GPC4: variants seen among roughly 807,000 people sequenced by gnomAD.
GPC4 encodes glypican 4.
A neutral mutation model predicts 35.0 loss-of-function variants in GPC4; 10 were observed. That is an observed-to-expected ratio of 0.29 (90% CI 0.18 to 0.48). The LOEUF (loss-of-function observed/expected upper bound fraction) is 0.48, where lower values mean the gene tolerates loss of function less well. Ranked by LOEUF, GPC4 falls within the 20% of genes least tolerant of loss-of-function variation. The pLI, the probability that GPC4 is intolerant of heterozygous loss-of-function variation, is 0.99. For synonymous variants in GPC4, 167 were observed against 170.2 expected (o/e 0.98, Z 0.15); for missense variants, 322 against 451.3 (o/e 0.71, Z 2.60).
chrX:133,346,722 T>C (rs1167458939), intron 1 of GPC4, among the ~76,000 whole-genome samples: 1 of 112,109 alleles, frequency 8.9e-6, no homozygotes, highest in African/African-American at 3.2e-5. Context: ...AATAGAATAT[T>C]ACTCAGCCAT....
intron 1 of GPC4, among the ~76,000 whole-genome samples, chrX:133,364,914 G>A (rs985968608): frequency 8.9e-6 from 1 of 112,178 alleles, no homozygotes. Context: ...AATACAGCGA[G>A]TGCAAACATT....
chrX:133,367,528 T>C (rs2068594992), intron 1 of GPC4, among the ~76,000 whole-genome samples: 1 of 112,362 alleles, frequency 8.9e-6, no homozygotes, highest in African/African-American at 3.2e-5. Flanking sequence ...CCACAAATTA[T>C]AGGCCAAACC....
At position 133,303,361 on chromosome X, in the gene GPC4, C is replaced by T; in HGVS notation, c.1293-20G>A. The T allele has an allele frequency of 1.7e-6, 2 of 1,183,287 alleles. No individual in the cohort carries two copies. Among genetic ancestry groups the T allele is most frequent in the Non-Finnish European group, 2.3e-6 (2 of 877,041 alleles). ...AGGTACCTGGAATGTAAAATGACCC[C>T]AGTAAGATGATTCGTAAAGCGAAAA... is the stretch of plus-strand genomic sequence containing the variant. On this transcript the variant is annotated intron_variant, in intron 7 of 8. Transcript: ENST00000370828.
chrX:133,369,397 T>C (rs763219856), intron 1 of GPC4, among the ~76,000 whole-genome samples: 18 of 112,068 alleles, frequency 1.6e-4, no homozygotes, highest in Non-Finnish European at 3.4e-4. Flanking sequence ...CTGTCTTAAA[T>C]GATATTGAAC....
intron 1 of GPC4, among the ~76,000 whole-genome samples, chrX:133,363,005 T>C (rs757852669): frequency 8.0e-5 from 9 of 112,032 alleles, no homozygotes; most frequent in Non-Finnish European, 1.3e-4. Flanking sequence ...TTTGCTATTC[T>C]GACAGAGAGC....
intron 1 of GPC4, among the ~76,000 whole-genome samples, chrX:133,391,009 G>C (rs926818203): frequency 5.4e-5 from 6 of 112,071 alleles, no homozygotes; most frequent in African/African-American, 1.6e-4. Context: ...ACAGTCTAGT[G>C]TAAATATTGA....
chrX:133,415,247 A>C lies in GPC4; in HGVS notation c.-282T>G. The stretch of plus-strand genomic sequence containing the variant: ...AGGGAAGCAGAGGCGCGGGCTGGTG[A>C]CCTCGGGGTTTCGCGGGGCAGCGAA... On this transcript the variant is annotated 5_prime_UTR_variant, in exon 1 of 9. Transcript: ENST00000370828. The C allele has an allele frequency of 3.6e-6, 1 of 276,596 alleles. No homozygotes were observed. Among genetic ancestry groups the C allele is most frequent in the Non-Finnish European group, 6.3e-6 (1 of 158,600 alleles). The allele number at this position is 276,596 out of a possible 1,213,427, so 22.8% of individuals were successfully genotyped here. A position where few individuals can be genotyped will look rare whatever the true frequency, so the allele number is the denominator to read the frequency against.
chrX:133,388,077 C>A (rs1451088427), intron 1 of GPC4, among the ~76,000 whole-genome samples: 1 of 112,017 alleles, frequency 8.9e-6, no homozygotes, highest in Non-Finnish European at 1.9e-5. Flanking sequence ...TAGATAGATA[C>A]ACAGATTTGT....
At position 133,347,248 on chromosome X, in the gene GPC4, GTTT is replaced by G. The variant is rs763800349; in HGVS notation, c.161-7910_161-7908del. On this transcript the variant is annotated intron_variant, in intron 1 of 8. Transcript: ENST00000370828. Reference sequence around the variant, plus strand: ...TAAATCTAAAACTCTTCTATTAGAAGTTTTTTTTTTTTTTTTTTTTTTTTTTTT... The same window carrying G: ...TAAATCTAAAACTCTTCTATTAGAAGTTTTTTTTTTTTTTTTTTTTTTTTT... Among the ~76,000 whole-genome samples the G allele has an allele frequency of 2.8e-3, 71 of 25,412 alleles. 1 individual carries two copies. The highest frequency in any genetic ancestry group is 4.7e-3 in the African/African-American group (34 of 7,185). 22.1% of individuals were successfully genotyped at this position (25,412 alleles called of 115,157 possible). A position where few individuals can be genotyped will look rare whatever the true frequency, so the allele number is the denominator to read the frequency against.
intron 1 of GPC4, among the ~76,000 whole-genome samples, chrX:133,373,447 A>G (rs1328205006): frequency 8.9e-6 from 1 of 111,961 alleles, no homozygotes; most frequent in Non-Finnish European, 1.9e-5. Context: ...ATAGTGACAG[A>G]TGTGTCAAAA....
chrX:133,408,405 G>A (rs2068798725), intron 1 of GPC4, among the ~76,000 whole-genome samples: 1 of 112,218 alleles, frequency 8.9e-6, no homozygotes, highest in Admixed American at 9.5e-5. Flanking sequence ...CTTTAAAGAA[G>A]TGTATCTCAA....
chrX:133,337,955 A>C (rs113465634), intron 2 of GPC4, among the ~76,000 whole-genome samples: 22 of 110,144 alleles, frequency 2.0e-4, no homozygotes, highest in African/African-American at 5.6e-4. Context: ...ACTAAGACAT[A>C]ATTTTGCACA....
At chrX:133,409,320 TAA>T (rs36008423) in intron 1 of GPC4, among the ~76,000 whole-genome samples, 200 of 31,675 alleles carry the variant, frequency 6.3e-3, no homozygotes, top group African/African-American at 0.013. Flanking sequence ...GACCCTGCCT[TAA>T]AAAAAAAAAA....
intron 1 of GPC4, among the ~76,000 whole-genome samples, chrX:133,390,334 G>C (rs1255134872): frequency 9.0e-6 from 1 of 111,705 alleles, no homozygotes; most frequent in Non-Finnish European, 1.9e-5. Flanking sequence ...TAAGACAAAT[G>C]GGAACATAGT....
intron 3 of GPC4, among the ~76,000 whole-genome samples, chrX:133,321,777 A>G (rs1204733527): frequency 8.9e-6 from 1 of 112,002 alleles, no homozygotes; most frequent in Non-Finnish European, 1.9e-5. Context: ...AGAATCAGAT[A>G]TTATTCCTTT....
At chrX:133,327,639 G>T (rs112946459) in intron 2 of GPC4, among the ~76,000 whole-genome samples, 160 of 2,688 alleles carry the variant, frequency 0.06, no homozygotes, top group African/African-American at 0.079. Context: ...CCAGGAAAGT[G>T]TGTGTGTGTG....
chrX:133,356,468 C>A (rs1391388859), intron 1 of GPC4, among the ~76,000 whole-genome samples: 1 of 111,397 alleles, frequency 9.0e-6, no homozygotes, highest in Non-Finnish European at 1.9e-5. Flanking sequence ...TGGTTTCAAA[C>A]TCCTGACCTC....
At chrX:133,309,153 T>A (rs1267998392) in intron 4 of GPC4, among the ~76,000 whole-genome samples, 1 of 111,994 alleles carries the variant, frequency 8.9e-6, no homozygotes, top group African/African-American at 3.2e-5. Flanking sequence ...TGGTCTTTTA[T>A]ATCTGCTTAT....
Position 133,324,336 on chromosome X carries a change from G to C in GPC4, c.520C>G (p.Arg174Gly). Residue 174 changes from arginine to glycine, a missense_variant, in exon 3 of 9, where the codon CGC becomes GGC. This residue lies in a region of GPC4 where 163 missense variants were observed against 277.2 expected (regional missense o/e 0.59). Transcript: ENST00000370828. ...AAGTGGTACTGGGAGTTCACCAGGC[G>C]GAACATCCGCTCCAGGAGGCGAGCC... ...FWARLLERMFRLVNSQYHFTD... is the reference protein window; with the variant it reads ...FWARLLERMFGLVNSQYHFTD... The C allele has an allele frequency of 1.7e-6, 2 of 1,211,080 alleles. No homozygotes were observed. The highest frequency in any genetic ancestry group is 2.2e-6 in the Non-Finnish European group (2 of 895,181).
Sources: gnomAD v4.1 joint callset for allele counts (sites outside exome capture counted in the v4.1 genomes callset) on GRCh38, gnomAD v4.1.1 for gene constraint, gnomAD v4.1.1 regional missense constraint, MANE v1.5 for transcripts, NCBI Gene and HGNC (gene_info 2026-07-23, HGNC 2026-07-21) for gene names.